The following PTPRD variants were observed in gnomAD, a reference collection of about 807,000 sequenced individuals.
The protein encoded by PTPRD is receptor-type tyrosine-protein phosphatase delta.
In PTPRD, 34 loss-of-function variants were observed where a neutral mutation model predicts 214.5. The ratio of observed to expected loss-of-function variants is 0.16; its 90% CI spans 0.12 to 0.21. PTPRD has a LOEUF of 0.21. Ranked by LOEUF, PTPRD falls within the 10% of genes least tolerant of loss-of-function variation. PTPRD has a pLI of 1.00. For synonymous variants in PTPRD, 1,128 were observed against 845.7 expected, an observed-to-expected ratio of 1.33 and a Z score of -5.79; for missense variants, 2,545 against 2,398.7, an observed-to-expected ratio of 1.06 and a Z score of -1.27.
At chr9:9,833,207 T>C (rs942858919) in intron 5 of PTPRD, among the ~76,000 whole-genome samples, 2 of 152,034 alleles carry the variant, frequency 1.3e-5, no homozygotes, top group Non-Finnish European at 2.9e-5. Context: ...AGGTTTTCTA[T>C]TTTCCAAAGC....
intron 7 of PTPRD, among the ~76,000 whole-genome samples, chr9:9,575,867 G>A (rs768085392): frequency 4.0e-5 from 6 of 150,156 alleles, no homozygotes; most frequent in East Asian, 3.9e-4. Flanking sequence ...CACATTACTC[G>A]CCATCAAGTT....
chr9:9,447,972 G>C (rs771553320), intron 8 of PTPRD, among the ~76,000 whole-genome samples: 31 of 152,028 alleles, frequency 2.0e-4, no homozygotes, highest in Admixed American at 1.3e-4. Flanking sequence ...GACTGCACTA[G>C]CTTTCATTTT....
At chr9:9,388,976 A>C (rs753680457) in intron 9 of PTPRD, among the ~76,000 whole-genome samples, 11 of 152,136 alleles carry the variant, frequency 7.2e-5, no homozygotes, top group Admixed American at 1.3e-4. Flanking sequence ...GGGAGAAAAA[A>C]TATATATGCA....
intron 8 of PTPRD, among the ~76,000 whole-genome samples, chr9:9,401,610 T>A (rs1287860042): frequency 3.3e-5 from 5 of 152,032 alleles, no homozygotes; most frequent in Non-Finnish European, 5.9e-5. Flanking sequence ...TCTTATTTTT[T>A]TTTTTTCCCT....
chr9:9,765,915 G>C (rs1177734739), intron 6 of PTPRD, among the ~76,000 whole-genome samples: 2 of 152,136 alleles, frequency 1.3e-5, no homozygotes, highest in East Asian at 1.9e-4. Flanking sequence ...GCCCGCCTCA[G>C]CCTCCCAAAG....
At chr9:10,554,655 A>AT (rs71332758) in intron 2 of PTPRD, among the ~76,000 whole-genome samples, 58,555 of 151,376 alleles carry the variant, frequency 0.39, 12,745 homozygotes, top group Non-Finnish European at 0.51. Context: ...TCTTTTTTTA[A>AT]TTTTTTTTGT....
chr9:10,064,946 C>A (rs2097848157), intron 3 of PTPRD, among the ~76,000 whole-genome samples: 1 of 151,930 alleles, frequency 6.6e-6, no homozygotes, highest in Non-Finnish European at 1.5e-5. Flanking sequence ...TCCACAGTGA[C>A]TTTCCTAAAA....
intron 8 of PTPRD, among the ~76,000 whole-genome samples, chr9:9,488,537 T>G (rs1003896226): frequency 4.6e-5 from 7 of 152,272 alleles, no homozygotes; most frequent in African/African-American, 1.4e-4. Context: ...TGGATGAATT[T>G]CCACCGTCCC....
intron 7 of PTPRD, among the ~76,000 whole-genome samples, chr9:9,611,344 T>A (rs1054836837): frequency 6.6e-6 from 1 of 151,520 alleles, no homozygotes; most frequent in Admixed American, 6.6e-5. Context: ...CAGCAGTGAA[T>A]GAAGAGCATT....
chr9:9,102,728 T>A (rs1408977740), intron 10 of PTPRD, among the ~76,000 whole-genome samples: 3 of 152,376 alleles, frequency 2.0e-5, no homozygotes, highest in Admixed American at 2.0e-4. Flanking sequence ...GTTACTGTTA[T>A]AAGTGACCCT....
intron 4 of PTPRD, among the ~76,000 whole-genome samples, chr9:10,002,957 AT>A (rs911979300): frequency 4.6e-5 from 7 of 151,922 alleles, no homozygotes; most frequent in Non-Finnish European, 1.0e-4. Context: ...CATATTTAAA[AT>A]AATTAAAAAT....
chr9:10,112,017 T>C (rs770151182), intron 3 of PTPRD, among the ~76,000 whole-genome samples: 13 of 152,224 alleles, frequency 8.5e-5, no homozygotes, highest in East Asian at 1.9e-4. Flanking sequence ...GATTGACTGA[T>C]TGACTATGGT....
intron 11 of PTPRD, among the ~76,000 whole-genome samples, chr9:8,958,001 GCAGGGGAAGAAC>G (rs541661743): frequency 1.6e-3 from 247 of 151,912 alleles, no homozygotes; most frequent in Non-Finnish European, 2.6e-3. Flanking sequence ...TAATACCTTA[GCAGGGGAAGAAC>G]CATTAGTTAC....
At chr9:9,973,560 T>C (rs1367992339) in intron 4 of PTPRD, among the ~76,000 whole-genome samples, 1 of 152,062 alleles carries the variant, frequency 6.6e-6, no homozygotes, top group Non-Finnish European at 1.5e-5. Context: ...AATTCCTCAC[T>C]CACTTTAGCA....
Position 9,189,743 on chromosome 9 carries a change from A to C in PTPRD, c.-202-6380T>G, listed in dbSNP as rs78411045. Among the ~76,000 whole-genome samples the C allele has an allele frequency of 3.5e-3, 529 of 152,228 alleles. 1 individual carries two copies. Among genetic ancestry groups the C allele is most frequent in the African/African-American group, 0.012 (506 of 41,560 alleles). ...GTAAATATTTTTGAAATGAATAAAC[A>C]AATCAAAATCTGGCTCTTTATTATT... On this transcript the variant is annotated intron_variant, in intron 9 of 45. Coordinates refer to ENST00000381196, the MANE Select transcript of PTPRD (RefSeq NM_002839.4).
intron 9 of PTPRD, among the ~76,000 whole-genome samples, chr9:9,250,467 C>T (rs148108507): frequency 8.4e-4 from 128 of 152,204 alleles, no homozygotes; most frequent in African/African-American, 2.9e-3. Flanking sequence ...TGCAAACCCT[C>T]TGCCATTAAT....
chr9:8,820,815 A>T (rs1176869622), intron 11 of PTPRD, among the ~76,000 whole-genome samples: 1 of 152,062 alleles, frequency 6.6e-6, no homozygotes, highest in Non-Finnish European at 1.5e-5. Context: ...ATACCTCTAT[A>T]TTATGTTCCA....
chr9:8,747,931 T>G (rs932097445), intron 11 of PTPRD, among the ~76,000 whole-genome samples: 1 of 152,142 alleles, frequency 6.6e-6, no homozygotes, highest in East Asian at 1.9e-4. Context: ...ACCTCCTTGT[T>G]AAGTGTGTCT....
intron 8 of PTPRD, among the ~76,000 whole-genome samples, chr9:9,547,268 C>CCTT (rs1569569174): frequency 6.6e-6 from 1 of 152,068 alleles, no homozygotes; most frequent in Non-Finnish European, 1.5e-5. Flanking sequence ...CCTTTGTGTT[C>CCTT]CTTTACCTCC....
Sources: gnomAD v4.1 joint callset for allele counts (sites outside exome capture counted in the v4.1 genomes callset) on GRCh38, gnomAD v4.1.1 for gene constraint, MANE v1.5 for transcripts, NCBI Gene and HGNC (gene_info 2026-07-23, HGNC 2026-07-21) for gene names.